TMEM132A: variants seen among roughly 807,000 people sequenced by gnomAD.
TMEM132A encodes the protein transmembrane protein 132A.
In TMEM132A, 48 loss-of-function variants were observed where a neutral mutation model predicts 69.9. The observed-to-expected ratio is 0.69, with a 90% CI of 0.55 to 0.87. The LOEUF is 0.87. TMEM132A is among the 40% of genes least tolerant of loss of function. The probability of loss-of-function intolerance (pLI) is 0.00; values close to 1 mark genes in which losing one functional copy is unlikely to be tolerated. For synonymous variants in TMEM132A, 577 were observed against 613.7 expected, an observed-to-expected ratio of 0.94 and a Z score of 0.88; for missense variants, 1,287 against 1,407.2, an observed-to-expected ratio of 0.91 and a Z score of 1.37.
Position 60,927,463 on chromosome 11 carries a change from G to A in TMEM132A, c.315+45G>A, listed in dbSNP as rs373140123. On this transcript the variant is annotated intron_variant, in intron 2 of 10. Coordinates refer to ENST00000453848, the MANE Select transcript of TMEM132A (RefSeq NM_178031.3). ...GACTCTCAGGCTAACAGGACTCAGGGCCTGAGGTCTGCTGGGTACAAATTG... is the reference window on the plus strand; with the variant it reads ...GACTCTCAGGCTAACAGGACTCAGGACCTGAGGTCTGCTGGGTACAAATTG... The A allele has an allele frequency of 9.6e-6, 15 of 1,558,594 alleles. No homozygotes were observed. In the African/African-American group the frequency reaches 1.9e-4, roughly 20 times the overall value.
chr11:60,925,026 C>T (rs970046268), intron 1 of TMEM132A, among the ~76,000 whole-genome samples: 24 of 152,160 alleles, frequency 1.6e-4, no homozygotes, highest in African/African-American at 5.3e-4. Flanking sequence ...GCCCGGGCAT[C>T]GAACCCGGCG....
intron 9 of TMEM132A, 82 bp downstream of exon 9, chr11:60,934,846 G>A: frequency 7.1e-7 from 1 of 1,417,194 alleles, no homozygotes. Flanking sequence ...GGAGTGAAGA[G>A]TGTGCCAGGA....
intron 6 of TMEM132A, 47 bp downstream of exon 6, chr11:60,931,931 C>G (rs762833219): frequency 2.4e-5 from 39 of 1,614,134 alleles, no homozygotes; most frequent in Middle Eastern, 3.3e-4. Flanking sequence ...GGCCAAGTCC[C>G]AGGAGCCCCA....
At chr11:60,933,949 C>T (rs1289170758) in intron 8 of TMEM132A, 2 of 585,686 alleles carry the variant, frequency 3.4e-6, no homozygotes, top group African/African-American at 3.7e-5. Flanking sequence ...TCTCCTCCTT[C>T]CCTGCCTCAC....
At chr11:60,932,215 C>T in intron 7 of TMEM132A, 88 bp downstream of exon 7, 1 of 1,429,612 alleles carries the variant, frequency 7.0e-7, no homozygotes, top group Non-Finnish European at 9.2e-7. Context: ...TCATGTGGGT[C>T]CCCAAGAGAA....
chr11:60,928,872 G>A lies in TMEM132A; in HGVS notation c.778G>A (p.Val260Met). ...VPLDEAVTLR[V>M]PDMPVRPGQL... Reference sequence around the variant, plus strand: ...TCTGGACGAGGCTGTGACTCTGCGGGTGCCTGACATGCCAGTGCGGCCCGG... The same window carrying A: ...TCTGGACGAGGCTGTGACTCTGCGGATGCCTGACATGCCAGTGCGGCCCGG... Residue 260 changes from valine (V) to methionine (M), a missense_variant, in exon 4 of 11, where the codon GTG (valine) becomes ATG (methionine). Val to Met is a conservative substitution (Grantham distance 21). Coordinates refer to ENST00000453848, the MANE Select transcript of TMEM132A (RefSeq NM_178031.3). 6.2e-7 allele frequency: 1 copy of A among 1,612,808 alleles called. No homozygotes were observed.
intron 3 of TMEM132A, among the ~76,000 whole-genome samples, chr11:60,928,290 G>A (rs1437556992): frequency 6.6e-6 from 1 of 152,172 alleles, no homozygotes; most frequent in Non-Finnish European, 1.5e-5. Flanking sequence ...CATGGGAGAG[G>A]CGTCTCTTGA....
chr11:60,926,721 G>C (rs568526161), intron 1 of TMEM132A: 2 of 236,242 alleles, frequency 8.5e-6, no homozygotes, highest in African/African-American at 4.6e-5. Flanking sequence ...AGATGGTGCA[G>C]GTTGCCATGG....
chr11:60,928,670 G>T lies in TMEM132A; in HGVS notation c.576G>T (p.Ser192=), dbSNP rs147175493. The change falls in exon 4 of 11, where the codon TCG becomes TCT. Residue 192 remains serine, a synonymous_variant. Transcript: ENST00000453848. ...GACVVELELP[S]HWFSQASTTR... Reference sequence around the variant, plus strand: ...GCGTGGTGGAGCTGGAGCTTCCCTCGCACTGGTTCTCACAGGCCTCCACCA... The same window carrying T: ...GCGTGGTGGAGCTGGAGCTTCCCTCTCACTGGTTCTCACAGGCCTCCACCA... 7.5e-6 allele frequency: 12 copies of T among 1,610,614 alleles called. No individual in the cohort carries two copies. Among genetic ancestry groups the T allele is most frequent in the Non-Finnish European group, 1.0e-5 (12 of 1,179,944 alleles).
rs1166343595 is a variant in TMEM132A at position 60,928,846 on chromosome 11, C to T, written c.752C>T (p.Pro251Leu). 3.1e-6 allele frequency: 5 copies of T among 1,612,756 alleles called. No individual in the cohort carries two copies. The highest frequency in any genetic ancestry group is 1.1e-5 in the South Asian group (1 of 91,080). Residue 251 changes from proline to leucine, a missense_variant, in exon 4 of 11, where the codon CCT becomes CTT. By Grantham distance (98) the Pro-to-Leu change is moderately conservative. Coordinates refer to ENST00000453848, the MANE Select transcript of TMEM132A (RefSeq NM_178031.3). The part of the protein sequence containing the change: ...PADPPQYQEV[P>L]LDEAVTLRVP... ...GACCCCCCGCAGTACCAGGAGGTAC[C>T]TCTGGACGAGGCTGTGACTCTGCGG...
intron 1 of TMEM132A, chr11:60,926,185 G>C (rs1856342068): frequency 6.6e-6 from 1 of 152,430 alleles, no homozygotes. Context: ...GAGAGGAGGT[G>C]CGCTCCAGGG....
chr11:60,936,616 T>A lies in TMEM132A; in HGVS notation c.2781T>A (p.Ser927Arg). 1 of 1,576,308 alleles carries A rather than the reference T, an allele frequency of 6.3e-7. No individual in the cohort carries two copies. The highest frequency in any genetic ancestry group is 8.6e-7 in the Non-Finnish European group (1 of 1,160,954). ...GGGAGGGGAGCTGCCCCTGTGAGAG[T>A]GGGGGAGGAGGGGAGGCCCCTACCC... ...PKGEGSCPCE[S>R]GGGGEAPTLA... The change falls in exon 11 of 11, where the codon AGT becomes AGA. Residue 927 changes from serine (S) to arginine (R), a missense_variant. Ser to Arg is a moderately radical substitution (Grantham distance 110). Coordinates refer to ENST00000453848, the MANE Select transcript of TMEM132A (RefSeq NM_178031.3).
Position 60,936,501 on chromosome 11 carries a change from C to A in TMEM132A, c.2666C>A (p.Ser889Tyr). The change falls in exon 11 of 11, where the codon TCC becomes TAC. Residue 889 changes from serine to tyrosine, a missense_variant. Transcript: ENST00000453848. ...CCCGACAGTGCCACTGACCCCACCT[C>A]CCCCCAGCCCCACAACTGGGTCTGG... is the stretch of plus-strand genomic sequence containing the variant. The part of the protein sequence containing the change: ...EPPDSATDPT[S>Y]PQPHNWVWLG... 2 of 1,613,894 alleles carry A rather than the reference C, an allele frequency of 1.2e-6. No homozygotes were observed. The highest frequency in any genetic ancestry group is 1.3e-5 in the African/African-American group (1 of 75,044).
Position 60,928,959 on chromosome 11 carries a change from C to T in TMEM132A, c.865C>T (p.Arg289Trp), listed in dbSNP as rs773354003. 32 of 1,611,808 alleles carry T rather than the reference C, an allele frequency of 2.0e-5. No homozygotes were observed. Among genetic ancestry groups the T allele is most frequent in the Middle Eastern group, 3.3e-4 (2 of 6,082 alleles). The change falls in exon 4 of 11, where the codon CGG becomes TGG. Residue 289 changes from arginine (R) to tryptophan (W), a missense_variant and splice_region_variant. Coordinates refer to ENST00000453848, the MANE Select transcript of TMEM132A (RefSeq NM_178031.3). ...CTTCACAGCCAGCCTCCTGACCCTG[C>T]GGTGAGCACCAGGCCACGGGGATGG... is the stretch of plus-strand genomic sequence containing the variant. ...HNFTASLLTL[R>W]IKVKKGLHVT...
At chr11:60,928,531 G>T in intron 3 of TMEM132A, 98 bp from the exon 4 acceptor site, 1 of 1,169,306 alleles carries the variant, frequency 8.6e-7, no homozygotes, top group East Asian at 2.4e-5. Flanking sequence ...CCTTTCATGA[G>T]CCCCTCCAGC....
At chr11:60,930,360 C>T (rs1856448808) in intron 4 of TMEM132A, 150 bp from the exon 5 acceptor site, 17 of 871,844 alleles carry the variant, frequency 1.9e-5, no homozygotes, top group Admixed American at 2.7e-5. Context: ...TGCACTGAGG[C>T]GGGGTCCTTC....
chr11:60,930,604 C>T lies in TMEM132A; in HGVS notation c.961C>T (p.His321Tyr), dbSNP rs1439483724. The T allele has an allele frequency of 9.9e-6, 16 of 1,613,526 alleles. No homozygotes were observed. Among genetic ancestry groups the T allele is most frequent in the Admixed American group, 1.7e-5 (1 of 59,976 alleles). ...AKLDRFKGSR[H>Y]HTTLITCHRA... ...GCTGGACCGCTTCAAGGGCTCCAGG[C>T]ACCACACCACCCTCATCACCTGCCA... is the stretch of plus-strand genomic sequence containing the variant. Residue 321 changes from histidine to tyrosine, a missense_variant, in exon 5 of 11, where the codon CAC becomes TAC. Transcript: ENST00000453848.
chr11:60,937,072 C>T lies in TMEM132A; in HGVS notation c.*165C>T. 1 of 1,351,538 alleles carries T rather than the reference C, an allele frequency of 7.4e-7. No homozygotes were observed. The highest frequency in any genetic ancestry group is 9.9e-7 in the Non-Finnish European group (1 of 1,012,940). 83.7% of individuals were successfully genotyped at this position (1,351,538 alleles called of 1,614,324 possible). On this transcript the variant is annotated 3_prime_UTR_variant, in exon 11 of 11. Coordinates refer to ENST00000453848, the MANE Select transcript of TMEM132A (RefSeq NM_178031.3). Reference sequence around the variant, plus strand: ...AGGCCCCCTCTGCCCTGCCCCTTGTCATGGACCATGGTCGTGAGGAAGGGC... The same window carrying T: ...AGGCCCCCTCTGCCCTGCCCCTTGTTATGGACCATGGTCGTGAGGAAGGGC...
Position 60,934,561 on chromosome 11 carries a change from C to G in TMEM132A, c.1633C>G (p.Arg545Gly). Residue 545 changes from arginine to glycine, a missense_variant, in exon 9 of 11, where the codon CGG becomes GGG. Physicochemically the swap from Arg to Gly is moderately radical, Grantham distance 125. Coordinates refer to ENST00000453848, the MANE Select transcript of TMEM132A (RefSeq NM_178031.3). Reference sequence around the variant, plus strand: ...CCGTGGCTGCCACCTGCAGTACCAGCGGGCCGGTGTGCGCTTCCTCGCCCC... The same window carrying G: ...CCGTGGCTGCCACCTGCAGTACCAGGGGGCCGGTGTGCGCTTCCTCGCCCC... Reference protein sequence around the residue: ...RARGCHLQYQRAGVRFLAPFA... With the variant: ...RARGCHLQYQGAGVRFLAPFA... 1 of 1,526,728 alleles carries G rather than the reference C, an allele frequency of 6.5e-7. No homozygotes were observed. The highest frequency in any genetic ancestry group is 8.7e-7 in the Non-Finnish European group (1 of 1,145,056). The allele number at this position is 1,526,728 out of a possible 1,614,324, so 94.6% of individuals were successfully genotyped here. A position where few individuals can be genotyped will look rare whatever the true frequency, so the allele number is the denominator to read the frequency against.
Sources: gnomAD v4.1 joint callset for allele counts (sites outside exome capture counted in the v4.1 genomes callset) on GRCh38, gnomAD v4.1.1 for gene constraint, MANE v1.5 for transcripts, NCBI Gene and HGNC (gene_info 2026-07-23, HGNC 2026-07-21) for gene names.